The following CKAP2L variants were observed in gnomAD, a reference collection of about 807,000 sequenced individuals.
CKAP2L encodes cytoskeleton associated protein 2L.
CKAP2L carries 42 observed loss-of-function variants against 65.7 expected under a neutral mutation model. The observed-to-expected ratio is 0.64, with a 90% confidence interval of 0.50 to 0.83. The LOEUF (loss-of-function observed/expected upper bound fraction) is 0.83. Ranked by LOEUF, CKAP2L falls within the 40% of genes least tolerant of loss-of-function variation. CKAP2L has a pLI of 0.00. For missense variants in CKAP2L, 908 were observed against 871.0 expected, an observed-to-expected ratio of 1.04 and a Z score of -0.53; for synonymous variants, 325 against 313.5, an observed-to-expected ratio of 1.04 and a Z score of -0.39.
At chr2:112,758,633 C>T (rs903210820) in intron 3 of CKAP2L, among the ~76,000 whole-genome samples, 4 of 152,158 alleles carry the variant, frequency 2.6e-5, no homozygotes, top group African/African-American at 9.7e-5. Flanking sequence ...ATATACACCT[C>T]GGATCTCTCC....
chr2:112,740,667 G>A, intron 8 of CKAP2L, 151 bp downstream of exon 8: 2 of 629,750 alleles, frequency 3.2e-6, no homozygotes, highest in South Asian at 2.2e-5. Context: ...CATAGGACGG[G>A]GGTGAATGCA....
Position 112,756,695 on chromosome 2 carries a change from C to A in CKAP2L, c.676G>T (p.Ala226Ser). 6.3e-7 allele frequency: 1 copy of A among 1,592,996 alleles called. No homozygotes were observed. The highest frequency in any genetic ancestry group is 8.5e-7 in the Non-Finnish European group (1 of 1,172,424). Residue 226 changes from alanine to serine, a missense_variant, in exon 4 of 9, where the codon GCC becomes TCC. Coordinates refer to ENST00000302450, the MANE Select transcript of CKAP2L (RefSeq NM_152515.5). ...QTKNSLVPKQ[A>S]LGKSSVNSAV... is the part of the protein sequence containing the mutation. ...CTATTAACTGAACTTTTGCCCAAGG[C>A]TTGTTTAGGAACTAAACTGTTCTTG...
At chr2:112,761,209 C>T (rs560517511) in intron 2 of CKAP2L, among the ~76,000 whole-genome samples, 1 of 152,130 alleles carries the variant, frequency 6.6e-6, no homozygotes, top group East Asian at 1.9e-4. Context: ...GCCTGTAATC[C>T]CAGCACTTTG....
intron 5 of CKAP2L, among the ~76,000 whole-genome samples, chr2:112,750,385 G>A (rs1024213135): frequency 2.0e-5 from 3 of 152,142 alleles, no homozygotes; most frequent in African/African-American, 4.8e-5. Context: ...ATTCTTGTCC[G>A]CCCGAGGCAG....
Position 112,737,591 on chromosome 2 carries a change from T to G in CKAP2L, c.*1232A>C, listed in dbSNP as rs941031040. ...ATTATTAGTTTTTCCACAATTGAGTTGTAAGAGTCTCTTATTGAAAGTCTG... is the reference window on the plus strand; with the variant it reads ...ATTATTAGTTTTTCCACAATTGAGTGGTAAGAGTCTCTTATTGAAAGTCTG... On this transcript the variant is annotated 3_prime_UTR_variant, in exon 9 of 9. Transcript: ENST00000302450. 3 of 152,212 alleles carry G rather than the reference T, an allele frequency of 2.0e-5. No individual in the cohort carries two copies. The highest frequency in any genetic ancestry group is 4.4e-5 in the Non-Finnish European group (3 of 68,036). The allele number at this position is 152,212 out of a possible 1,614,324, so 9.4% of individuals were successfully genotyped here.
Position 112,737,898 on chromosome 2 carries a change from A to C in CKAP2L, c.*925T>G, listed in dbSNP as rs1216707425. The C allele has an allele frequency of 1.3e-5, 2 of 152,242 alleles. No homozygotes were observed. Among genetic ancestry groups the C allele is most frequent in the African/African-American group, 4.8e-5 (2 of 41,466 alleles). 9.4% of individuals were successfully genotyped at this position (152,242 alleles called of 1,614,324 possible). On this transcript the variant is annotated 3_prime_UTR_variant, in exon 9 of 9. Coordinates refer to ENST00000302450, the MANE Select transcript of CKAP2L (RefSeq NM_152515.5). ...CTAATAGAAATTTAATGTTGTTTTA[A>C]GATAATACTTAAATATTAAGAAAGC...
rs572336451 is a variant in CKAP2L at position 112,754,044 on chromosome 2, G to A, written c.1395-1570C>T. 1.8e-4 allele frequency among the ~76,000 whole-genome samples: 28 copies of A among 152,276 alleles called. No homozygotes were observed. In the Middle Eastern group the frequency reaches 0.01, roughly 55 times the overall value. ...CCCAGCACAGTGCCTAGCACACATA[G>A]GTATTTAATAACACACAGTAAAATT... On this transcript the variant is annotated intron_variant, in intron 4 of 8. Coordinates refer to ENST00000302450, the MANE Select transcript of CKAP2L (RefSeq NM_152515.5).
At chr2:112,739,193 T>G in intron 8 of CKAP2L, 145 bp from the exon 9 acceptor site, 5 of 660,460 alleles carry the variant, frequency 7.6e-6, no homozygotes, top group Non-Finnish European at 1.3e-5. Context: ...AGCTTTCATC[T>G]TCAGATGGCT....
rs2712025 is a variant in CKAP2L, at chr2:112,756,237, C to T, written c.1134G>A (p.Arg378=). 1.3e-3 allele frequency: 2,123 copies of T among 1,614,130 alleles called. 46 individuals carry two copies. The South Asian group carries it at 0.022, about 17-fold the overall frequency. Residue 378 remains arginine, a synonymous_variant, in exon 4 of 9, where the codon AGG becomes AGA. Transcript: ENST00000302450. ...VLQKSKAISQ[R]PNLTVGRFNS... ...TAAATCTGCCAACTGTCAAATTAGGCCTCTGGCTTATGGCTTTTGACTTTT... is the reference window on the plus strand; with the variant it reads ...TAAATCTGCCAACTGTCAAATTAGGTCTCTGGCTTATGGCTTTTGACTTTT...
chr2:112,746,913 C>T (rs986865761), intron 5 of CKAP2L, among the ~76,000 whole-genome samples: 1 of 151,788 alleles, frequency 6.6e-6, no homozygotes, highest in Non-Finnish European at 1.5e-5. Context: ...TCAGCCTCCC[C>T]AGTAGCTGGG....
At chr2:112,748,798 A>T (rs6721292) in intron 5 of CKAP2L, among the ~76,000 whole-genome samples, 74,655 of 151,170 alleles carry the variant, frequency 0.49, 18,915 homozygotes, top group African/African-American at 0.63. Context: ...CAGGAGGTTT[A>T]AAGTTGCAGT....
chr2:112,746,691 A>C, intron 5 of CKAP2L, 116 bp from the exon 6 acceptor site: 1 of 687,276 alleles, frequency 1.5e-6, no homozygotes, highest in East Asian at 2.7e-5. Flanking sequence ...AATATTTTTG[A>C]ACTTTTAAAA....
At chr2:112,739,080 T>C (rs1679649458) in intron 8 of CKAP2L, 32 bp from the exon 9 acceptor site, 1 of 1,489,266 alleles carries the variant, frequency 6.7e-7, no homozygotes, top group African/African-American at 1.4e-5. Flanking sequence ...ATTAAAAACC[T>C]TATCATTTAA....
At chr2:112,754,443 C>T (rs1356714077) in intron 4 of CKAP2L, among the ~76,000 whole-genome samples, 1 of 152,226 alleles carries the variant, frequency 6.6e-6, no homozygotes, top group African/African-American at 2.4e-5. Context: ...ATGTTCCTAG[C>T]ATTTTCCCTA....
intron 7 of CKAP2L, among the ~76,000 whole-genome samples, chr2:112,741,401 C>G (rs1213994225): frequency 6.6e-6 from 1 of 152,176 alleles, no homozygotes; most frequent in Admixed American, 6.5e-5. Context: ...ACACAACCTC[C>G]CAATCCCATT....
At chr2:112,763,344 G>A (rs922613870) in intron 1 of CKAP2L, among the ~76,000 whole-genome samples, 5 of 152,002 alleles carry the variant, frequency 3.3e-5, no homozygotes, top group African/African-American at 1.2e-4. Context: ...TTTTTACAGG[G>A]ATGATGATTT....
chr2:112,736,658 A>G lies in CKAP2L; in HGVS notation c.*2165T>C, dbSNP rs1483120089. 6.6e-6 allele frequency: 1 copy of G among 152,186 alleles called. No homozygotes were observed. Among genetic ancestry groups the G allele is most frequent in the Non-Finnish European group, 1.5e-5 (1 of 68,032 alleles). The allele number at this position is 152,186 out of a possible 1,614,324, so 9.4% of individuals were successfully genotyped here. ...CTGTGTACTTGAGCTCTTTCTTAAA[A>G]AATTAAATATTCCATATGTGAGATC... is the stretch of plus-strand genomic sequence containing the variant. On this transcript the variant is annotated 3_prime_UTR_variant, in exon 9 of 9. Transcript: ENST00000302450.
rs1398921373 is a variant in CKAP2L at position 112,737,433 on chromosome 2, T to C, written c.*1390A>G. On this transcript the variant is annotated 3_prime_UTR_variant, in exon 9 of 9. Transcript: ENST00000302450. ...AGCCATTCTTATAGATGTGAGGTGA[T>C]AGCTCACAGTGGTTTTAATTTACAT... The C allele has an allele frequency of 6.6e-6, 1 of 152,232 alleles. No homozygotes were observed. The highest frequency in any genetic ancestry group is 1.5e-5 in the Non-Finnish European group (1 of 68,038). The allele number at this position is 152,232 out of a possible 1,614,324, so 9.4% of individuals were successfully genotyped here. A position where few individuals can be genotyped will look rare whatever the true frequency, so the allele number is the denominator to read the frequency against.
chr2:112,756,399 A>G lies in CKAP2L; in HGVS notation c.972T>C (p.Thr324=), dbSNP rs753973906. 1 of 1,614,060 alleles carries G rather than the reference A, an allele frequency of 6.2e-7. No individual in the cohort carries two copies. Among genetic ancestry groups the G allele is most frequent in the South Asian group, 1.1e-5 (1 of 91,056 alleles). The part of the protein sequence containing the change: ...NETKIRSYPV[T]EQRVKHTKPR... Reference sequence around the variant, plus strand: ...GTTTGGTGTGCTTCACTCTCTGTTCAGTAACAGGGTATGACCGTATCTTAG... The same window carrying G: ...GTTTGGTGTGCTTCACTCTCTGTTCGGTAACAGGGTATGACCGTATCTTAG... Residue 324 remains threonine (T), a synonymous_variant, in exon 4 of 9, where the codon ACT becomes ACC. Transcript: ENST00000302450.
Sources: allele counts gnomAD v4.1 joint callset (sites outside exome capture counted in the v4.1 genomes callset), GRCh38; gene constraint gnomAD v4.1.1; transcripts MANE v1.5; gene names NCBI Gene and HGNC (gene_info 2026-07-23, HGNC 2026-07-21).